CCDC60: variants seen among roughly 807,000 people sequenced by gnomAD.
The protein encoded by CCDC60 is coiled-coil domain-containing protein 60.
A neutral mutation model predicts 63.5 loss-of-function variants in CCDC60; 54 were observed. That is an observed-to-expected ratio of 0.85 (90% CI 0.68 to 1.07). The LOEUF is 1.07. CCDC60 is among the 50% of genes least tolerant of loss of function. The probability of loss-of-function intolerance (pLI) is 0.00; values close to 1 mark genes in which losing one functional copy is unlikely to be tolerated. For missense variants in CCDC60, 651 were observed against 684.3 expected, an observed-to-expected ratio of 0.95 and a Z score of 0.54; for synonymous variants, 206 against 238.8, an observed-to-expected ratio of 0.86 and a Z score of 1.27.
intron 7 of CCDC60, among the ~76,000 whole-genome samples, chr12:119,513,596 A>G (rs932322449): frequency 6.6e-6 from 1 of 152,206 alleles, no homozygotes; most frequent in Non-Finnish European, 1.5e-5. Context: ...ATACCCCAAT[A>G]TGATGTCACC....
At chr12:119,355,831 G>A (rs766709022) in intron 1 of CCDC60, among the ~76,000 whole-genome samples, 29 of 152,316 alleles carry the variant, frequency 1.9e-4, no homozygotes, top group East Asian at 3.9e-4. Context: ...CCAGGTTGTC[G>A]GGTTGTTGCC....
chr12:119,531,102 G>C, intron 13 of CCDC60, 39 bp downstream of exon 13: 1 of 1,566,030 alleles, frequency 6.4e-7, no homozygotes, highest in Non-Finnish European at 8.7e-7. Context: ...TGTTTCAGGT[G>C]TCCTCATTCA....
At chr12:119,488,955 T>C in intron 5 of CCDC60, 89 bp downstream of exon 5, 1 of 1,100,264 alleles carries the variant, frequency 9.1e-7, no homozygotes, top group Non-Finnish European at 1.4e-6. Flanking sequence ...CTCCCTTTGC[T>C]GTTTTTGGTA....
intron 2 of CCDC60, among the ~76,000 whole-genome samples, chr12:119,453,073 C>T (rs1177126223): frequency 6.6e-6 from 1 of 152,180 alleles, no homozygotes; most frequent in Non-Finnish European, 1.5e-5. Context: ...GCAATCTGCC[C>T]ACCTCAGCCT....
At chr12:119,510,811 A>G (rs973929314) in intron 7 of CCDC60, among the ~76,000 whole-genome samples, 1 of 152,158 alleles carries the variant, frequency 6.6e-6, no homozygotes, top group Non-Finnish European at 1.5e-5. Flanking sequence ...GCAAAGTACG[A>G]AAGTGCCCAC....
At chr12:119,461,003 A>G (rs555274107) in intron 2 of CCDC60, among the ~76,000 whole-genome samples, 37 of 152,296 alleles carry the variant, frequency 2.4e-4, no homozygotes, top group African/African-American at 8.2e-4. Context: ...GAACATACCT[A>G]TGCTTGGAGC....
chr12:119,534,872 A>G lies in CCDC60; in HGVS notation c.1551+3809A>G, dbSNP rs577196257. On this transcript the variant is annotated intron_variant, in intron 13 of 13. Transcript: ENST00000327554. Reference sequence around the variant, plus strand: ...TGTTCATCAGGGATATTGGTCTAAAAATTCTCTTTTTTTGTTTTGTCTCTG... The same window carrying G: ...TGTTCATCAGGGATATTGGTCTAAAGATTCTCTTTTTTTGTTTTGTCTCTG... Among the ~76,000 whole-genome samples, 8 of 152,266 alleles carry G rather than the reference A, an allele frequency of 5.3e-5. No homozygotes were observed. In the East Asian group the frequency reaches 1.5e-3, roughly 29 times the overall value.
intron 1 of CCDC60, among the ~76,000 whole-genome samples, chr12:119,403,395 C>T (rs1956429340): frequency 6.6e-6 from 1 of 152,112 alleles, no homozygotes; most frequent in African/African-American, 2.4e-5. Context: ...AAACTAGTAC[C>T]GTCTAGCTGC....
chr12:119,433,465 A>G, intron 2 of CCDC60: 1 of 702,360 alleles, frequency 1.4e-6, no homozygotes, highest in South Asian at 1.5e-5. Context: ...AAGAAACGAC[A>G]ATGAGATGTT....
chr12:119,399,693 A>G (rs1956352920), intron 1 of CCDC60, among the ~76,000 whole-genome samples: 1 of 152,168 alleles, frequency 6.6e-6, no homozygotes, highest in Non-Finnish European at 1.5e-5. Context: ...GGGGGAAGGG[A>G]AGGATGTATG....
chr12:119,525,378 TGTTAAAGGCAGCTAGA>T (rs1478816409), intron 11 of CCDC60, among the ~76,000 whole-genome samples: 4 of 152,122 alleles, frequency 2.6e-5, no homozygotes, highest in African/African-American at 9.7e-5. Context: ...TAATGAAGAA[TGTTAAAGGCAGCTAGA>T]GAGAAAGGGC....
chr12:119,534,564 G>A (rs1952946967), intron 13 of CCDC60, among the ~76,000 whole-genome samples: 1 of 152,090 alleles, frequency 6.6e-6, no homozygotes, highest in Non-Finnish European at 1.5e-5. Flanking sequence ...GTCATAAATA[G>A]CTCTCATTAT....
At chr12:119,431,665 TTG>T (rs1006962233) in intron 2 of CCDC60, among the ~76,000 whole-genome samples, 1 of 146,020 alleles carries the variant, frequency 6.8e-6, no homozygotes, top group Non-Finnish European at 1.5e-5. Context: ...TTTTCTGTGT[TTG>T]TGTTTGTTTG....
intron 5 of CCDC60, among the ~76,000 whole-genome samples, chr12:119,495,609 C>T (rs1000239744): frequency 6.6e-6 from 1 of 152,172 alleles, no homozygotes; most frequent in Non-Finnish European, 1.5e-5. Context: ...CTGTCGCAAT[C>T]GTTCTGAGCA....
chr12:119,471,527 T>C (rs1179929375), intron 2 of CCDC60, among the ~76,000 whole-genome samples: 9 of 152,218 alleles, frequency 5.9e-5, no homozygotes, highest in Admixed American at 5.9e-4. Context: ...GCAGACTGCC[T>C]GGTGCTGTAA....
Position 119,353,480 on chromosome 12 carries a change from G to A in CCDC60, c.90+18214G>A, listed in dbSNP as rs570788350. Among the ~76,000 whole-genome samples, 45 of 79,652 alleles carry A rather than the reference G, an allele frequency of 5.6e-4. No homozygotes were observed. In the East Asian group the frequency reaches 0.011, roughly 19 times the overall value. 52.3% of individuals were successfully genotyped at this position (79,652 alleles called of 152,430 possible). ...TCTCACTCTCTGTCCATCTCTCTCCGTCTCTGTCTCTGTCTCTCTGTCTCT... is the reference window on the plus strand; with the variant it reads ...TCTCACTCTCTGTCCATCTCTCTCCATCTCTGTCTCTGTCTCTCTGTCTCT... On this transcript the variant is annotated intron_variant, in intron 1 of 13. Transcript: ENST00000327554.
chr12:119,355,215 T>C (rs1029683975), intron 1 of CCDC60, among the ~76,000 whole-genome samples: 3 of 152,164 alleles, frequency 2.0e-5, no homozygotes, highest in Non-Finnish European at 2.9e-5. Context: ...ACAGTACTAA[T>C]AGGTGGTCTG....
chr12:119,394,105 C>T (rs565583186), intron 1 of CCDC60, among the ~76,000 whole-genome samples: 1 of 152,276 alleles, frequency 6.6e-6, no homozygotes, highest in African/African-American at 2.4e-5. Context: ...CAATAGCTTG[C>T]TACATGCCAG....
At chr12:119,528,197 A>G (rs1952744455) in intron 11 of CCDC60, among the ~76,000 whole-genome samples, 1 of 152,120 alleles carries the variant, frequency 6.6e-6, no homozygotes, top group Non-Finnish European at 1.5e-5. Flanking sequence ...GCACAAGATG[A>G]TAAGGGGAGT....
Sources: allele counts gnomAD v4.1 joint callset (sites outside exome capture counted in the v4.1 genomes callset), GRCh38; gene constraint gnomAD v4.1.1; transcripts MANE v1.5; gene names NCBI Gene and HGNC (gene_info 2026-07-23, HGNC 2026-07-21).